The following CNNM1 variants were observed in gnomAD, a reference collection of about 807,000 sequenced individuals.
CNNM1 encodes the protein cyclin and CBS domain divalent metal cation transport mediator 1.
In CNNM1, 44 loss-of-function variants were observed where a neutral mutation model predicts 78.8. The observed-to-expected ratio is 0.56, with a 90% CI of 0.44 to 0.72. The LOEUF (loss-of-function observed/expected upper bound fraction) is 0.72. Ranked by LOEUF, CNNM1 falls within the 30% of genes least tolerant of loss-of-function variation. The pLI is 0.00. For missense variants in CNNM1, 1,101 were observed against 1,292.2 expected (o/e 0.85, Z 2.27); for synonymous variants, 584 against 581.5 (o/e 1.00, Z -0.06).
At chr10:99,346,038 G>C (rs2030680500) in intron 1 of CNNM1, among the ~76,000 whole-genome samples, 1 of 152,054 alleles carries the variant, frequency 6.6e-6, no homozygotes, top group South Asian at 2.1e-4. Context: ...TTTTGACATA[G>C]TAGTGGGAAA....
At position 99,387,934 on chromosome 10, in the gene CNNM1, C is replaced by T. The variant is rs2032355297; in HGVS notation, c.2455C>T (p.Arg819Trp). 4 of 1,613,128 alleles carry T rather than the reference C, an allele frequency of 2.5e-6. No homozygotes were observed. Among genetic ancestry groups the T allele is most frequent in the East Asian group, 2.2e-5 (1 of 44,874 alleles). ...GGACTCCACTAAGGCCCCCACAACC[C>T]GGGGCACACCCCAGACCCCTAAGGA... ...DGDSTKAPTT[R>W]GTPQTPKDDP... The change falls in exon 8 of 11, where the codon CGG (arginine) becomes TGG (tryptophan). Residue 819 changes from arginine to tryptophan, a missense_variant. Coordinates refer to ENST00000356713, the MANE Select transcript of CNNM1 (RefSeq NM_020348.3).
chr10:99,358,218 T>A (rs2031291465), intron 2 of CNNM1, among the ~76,000 whole-genome samples: 1 of 152,252 alleles, frequency 6.6e-6, no homozygotes, highest in Non-Finnish European at 1.5e-5. Context: ...CCAGCATCCC[T>A]GCTCTTGTCT....
chr10:99,348,050 ATT>A (rs397955419), intron 1 of CNNM1, among the ~76,000 whole-genome samples: 1 of 131,644 alleles, frequency 7.6e-6, no homozygotes, highest in Non-Finnish European at 1.6e-5. Flanking sequence ...ATATATATAT[ATT>A]TTTTTTTTTT....
chr10:99,380,137 G>A (rs181232294), intron 7 of CNNM1, among the ~76,000 whole-genome samples: 17 of 149,586 alleles, frequency 1.1e-4, no homozygotes, highest in Admixed American at 9.4e-4. Flanking sequence ...ACAAGCTCTC[G>A]TCTTCTAAGG....
At chr10:99,387,234 A>T (rs2032333067) in intron 7 of CNNM1, among the ~76,000 whole-genome samples, 1 of 152,180 alleles carries the variant, frequency 6.6e-6, no homozygotes, top group Admixed American at 6.5e-5. Context: ...TGTTTGACAC[A>T]TCAGGAAAGT....
Position 99,329,544 on chromosome 10 carries a change from G to C in CNNM1, c.157G>C (p.Gly53Arg), listed in dbSNP as rs1850547419. The part of the protein sequence containing the change: ...LGLRPEDTAG[G>R]RVSLEGGTLR... Reference sequence around the variant, plus strand: ...CCTGCGGCCCGAGGACACTGCTGGAGGCCGCGTGTCCCTGGAGGGGGGCAC... The same window carrying C: ...CCTGCGGCCCGAGGACACTGCTGGACGCCGCGTGTCCCTGGAGGGGGGCAC... The change falls in exon 1 of 11, where the codon GGC becomes CGC. Residue 53 changes from glycine to arginine, a missense_variant. Gly to Arg is a moderately radical substitution (Grantham distance 125, BLOSUM62 -2). Around this residue, in one of 3 missense-constraint regions of CNNM1, gnomAD observed 476 missense variants for 484.5 expected, o/e 0.98. Coordinates refer to ENST00000356713, the MANE Select transcript of CNNM1 (RefSeq NM_020348.3). 2 of 1,521,168 alleles carry C rather than the reference G, an allele frequency of 1.3e-6. No homozygotes were observed. Among genetic ancestry groups the C allele is most frequent in the Middle Eastern group, 2.3e-4 (1 of 4,424 alleles). The allele number at this position is 1,521,168 out of a possible 1,614,324, so 94.2% of individuals were successfully genotyped here.
chr10:99,364,400 C>CTTT lies in CNNM1; in HGVS notation c.2029-7_2029-5dup. On this transcript the variant is annotated splice_polypyrimidine_tract_variant and intron_variant, in intron 4 of 10. Transcript: ENST00000356713. Reference sequence around the variant, plus strand: ...CTCATACACATTCATAGTACACTTCCTTTTTTTTTTTTCCAGGGTAAAGTG... The same window carrying CTTT: ...CTCATACACATTCATAGTACACTTCCTTTTTTTTTTTTTTTCCAGGGTAAAGTG... 10 of 1,247,928 alleles carry CTTT rather than the reference C, an allele frequency of 8.0e-6. No individual in the cohort carries two copies. Among genetic ancestry groups the CTTT allele is most frequent in the East Asian group, 2.7e-5 (1 of 36,570 alleles). The allele number at this position is 1,247,928 out of a possible 1,614,324, so 77.3% of individuals were successfully genotyped here. A position where few individuals can be genotyped will look rare whatever the true frequency, so the allele number is the denominator to read the frequency against.
chr10:99,357,085 A>G (rs939333866), intron 1 of CNNM1, among the ~76,000 whole-genome samples: 1 of 152,292 alleles, frequency 6.6e-6, no homozygotes, highest in East Asian at 1.9e-4. Context: ...AGAGATGGTA[A>G]TTCAGTGGAG....
At chr10:99,351,876 G>T (rs1028525381) in intron 1 of CNNM1, among the ~76,000 whole-genome samples, 20 of 152,098 alleles carry the variant, frequency 1.3e-4, no homozygotes, top group Admixed American at 9.2e-4. Context: ...CTCAACTTGT[G>T]TTGCAGGTTG....
At chr10:99,366,767 C>T (rs956820642) in intron 6 of CNNM1, among the ~76,000 whole-genome samples, 4 of 152,022 alleles carry the variant, frequency 2.6e-5, no homozygotes, top group African/African-American at 7.2e-5. Flanking sequence ...GGCTACAGAG[C>T]AAGATTCCAT....
At chr10:99,351,700 C>T (rs1490173851) in intron 1 of CNNM1, among the ~76,000 whole-genome samples, 1 of 152,110 alleles carries the variant, frequency 6.6e-6, no homozygotes, top group African/African-American at 2.4e-5. Flanking sequence ...GGTGCCTTCT[C>T]CCCTATTTCT....
intron 1 of CNNM1, among the ~76,000 whole-genome samples, chr10:99,356,605 A>AAAGAAAG (rs1491432735): frequency 2.3e-4 from 13 of 56,306 alleles, no homozygotes; most frequent in East Asian, 1.5e-3. Flanking sequence ...AGAAAGAAAG[A>AAAGAAAG]AAAGAAAGAA....
Position 99,330,333 on chromosome 10 carries a change from T to G in CNNM1, c.946T>G (p.Tyr316Asp). 2 of 1,600,586 alleles carry G rather than the reference T, an allele frequency of 1.2e-6. No individual in the cohort carries two copies. Among genetic ancestry groups the G allele is most frequent in the Non-Finnish European group, 1.7e-6 (2 of 1,174,680 alleles). ...GGGCTTCGGGGGCACCGGGGAAGAC[T>G]ACAGCGAAGAGGGGATCCACTTCCC... ...PPGFGGTGED[Y>D]SEEGIHFPWL... Residue 316 changes from tyrosine (Y) to aspartate (D), a missense_variant, in exon 1 of 11, where the codon TAC (tyrosine) becomes GAC (aspartate). Coordinates refer to ENST00000356713, the MANE Select transcript of CNNM1 (RefSeq NM_020348.3).
At chr10:99,390,176 T>TA in intron 9 of CNNM1, 130 bp from the exon 10 acceptor site, 2 of 651,044 alleles carry the variant, frequency 3.1e-6, no homozygotes. Flanking sequence ...CCTGCCTTGT[T>TA]ACACCACCCT....
intron 9 of CNNM1, among the ~76,000 whole-genome samples, chr10:99,389,373 C>T (rs932332300): frequency 5.7e-5 from 8 of 139,870 alleles, no homozygotes; most frequent in South Asian, 2.3e-4. Flanking sequence ...GGCGAGATGG[C>T]GCCATTGCAC....
intron 6 of CNNM1, among the ~76,000 whole-genome samples, chr10:99,367,207 A>G (rs1359037847): frequency 2.0e-5 from 3 of 152,128 alleles, no homozygotes; most frequent in Non-Finnish European, 4.4e-5. Flanking sequence ...GGGAGAGCTT[A>G]AGTCTAAGCT....
rs1283618655 is a variant in CNNM1, at chr10:99,381,761, AAC to A, written c.2340+4545_2340+4546del. On this transcript the variant is annotated intron_variant, in intron 7 of 10. Coordinates refer to ENST00000356713, the MANE Select transcript of CNNM1 (RefSeq NM_020348.3). ...TCCGTCTCAAAAAAAAAAACCAAAAAACAAAAAAAAAACTTTGATTAAAATGG... is the reference window on the plus strand; with the variant it reads ...TCCGTCTCAAAAAAAAAAACCAAAAAAAAAAAAAAACTTTGATTAAAATGG... 2.4e-4 allele frequency among the ~76,000 whole-genome samples: 36 copies of A among 150,896 alleles called. 1 individual carries two copies. The highest frequency in any genetic ancestry group is 8.1e-4 in the African/African-American group (33 of 40,586).
chr10:99,384,629 G>A (rs553976006), intron 7 of CNNM1, among the ~76,000 whole-genome samples: 321 of 152,238 alleles, frequency 2.1e-3, no homozygotes, highest in Non-Finnish European at 3.5e-3. Flanking sequence ...GGTACCTCAC[G>A]AGGAAGTGTG....
At chr10:99,374,999 A>C (rs957158063) in intron 6 of CNNM1, among the ~76,000 whole-genome samples, 22 of 152,232 alleles carry the variant, frequency 1.4e-4, no homozygotes, top group African/African-American at 5.1e-4. Flanking sequence ...GTGGTGCCTC[A>C]GCTGAGAACT....
Sources: allele counts gnomAD v4.1 joint callset (sites outside exome capture counted in the v4.1 genomes callset), GRCh38; gene constraint gnomAD v4.1.1; regional missense constraint gnomAD v4.1.1; transcripts MANE v1.5; gene names NCBI Gene and HGNC (gene_info 2026-07-23, HGNC 2026-07-21).